PDE1A: variants seen among roughly 807,000 people sequenced by gnomAD.
PDE1A encodes dual specificity calcium/calmodulin-dependent 3',5'-cyclic nucleotide phosphodiesterase 1A.
Under a neutral mutation model 61.7 loss-of-function variants are expected in PDE1A, and 35 were observed. The ratio of observed to expected loss-of-function variants is 0.57; its 90% CI spans 0.43 to 0.75. The LOEUF (loss-of-function observed/expected upper bound fraction) is 0.75, where lower values mean the gene tolerates loss of function less well. PDE1A is among the 30% of genes least tolerant of loss of function. PDE1A has a pLI of 0.00. For synonymous variants in PDE1A, 232 were observed against 213.2 expected, an observed-to-expected ratio of 1.09 and a Z score of -0.77; for missense variants, 597 against 630.6, an observed-to-expected ratio of 0.95 and a Z score of 0.57.
chr2:182,560,709 A>T, the PDE1A span, among the ~76,000 whole-genome samples: 1 of 152,086 alleles, frequency 6.6e-6, no homozygotes, highest in Non-Finnish European at 1.5e-5. Flanking sequence ...ATTTCTCCAC[A>T]TCCTCTCCAG....
intron 1 of PDE1A, among the ~76,000 whole-genome samples, chr2:182,311,112 T>C (rs1242921567): frequency 6.6e-6 from 1 of 152,214 alleles, no homozygotes; most frequent in Non-Finnish European, 1.5e-5. Flanking sequence ...GGGCAAGAAA[T>C]ATAACATTCC....
chr2:182,568,941 T>A, the PDE1A span, among the ~76,000 whole-genome samples: 148 of 152,026 alleles, frequency 9.7e-4, 1 homozygote, highest in African/African-American at 3.2e-3. Flanking sequence ...TTGAAAAAAA[T>A]AATAATAATA....
Position 182,226,155 on chromosome 2 carries a change from T to C in PDE1A, c.676-2191A>G, listed in dbSNP as rs2125621361. Among the ~76,000 whole-genome samples the C allele has an allele frequency of 1.3e-5, 2 of 149,854 alleles. 1 individual carries two copies. The highest frequency in any genetic ancestry group is 4.1e-4 in the South Asian group (2 of 4,830). Reference sequence around the variant, plus strand: ...CAAATTATGTATTTATAAATATAGCTGTGGTTTTAAAAAAGGCAGCATTCA... The same window carrying C: ...CAAATTATGTATTTATAAATATAGCCGTGGTTTTAAAAAAGGCAGCATTCA... On this transcript the variant is annotated intron_variant, in intron 6 of 13. Coordinates refer to ENST00000351439, the Ensembl canonical transcript of PDE1A.
intron 1 of PDE1A, among the ~76,000 whole-genome samples, chr2:182,334,864 T>G (rs1697680535): frequency 6.6e-6 from 1 of 152,196 alleles, no homozygotes; most frequent in Admixed American, 6.5e-5. Context: ...CATGACTGTA[T>G]ATTCAGAAAA....
chr2:182,151,977 AAGCTATTCCTCAG>A (rs1690804032), intron 13 of PDE1A, among the ~76,000 whole-genome samples: 1 of 152,204 alleles, frequency 6.6e-6, no homozygotes, highest in Non-Finnish European at 1.5e-5. Context: ...ACAGAATCAC[AAGCTATTCCTCAG>A]AGCAATGCCC....
At chr2:182,259,813 C>T (rs1022299958) in intron 2 of PDE1A, among the ~76,000 whole-genome samples, 2 of 152,212 alleles carry the variant, frequency 1.3e-5, no homozygotes, top group Non-Finnish European at 2.9e-5. Flanking sequence ...CCCTGCTATG[C>T]ATGAGGCCAA....
In PDE1A at chr2:182,420,782, T is replaced by C. The variant is rs143190761; in HGVS notation, c.53+5796A>G. ...GCAGCTGGCTTGGATATTACAAAGA[T>C]AATAAATCTGGAAGTATTATCATCT... On this transcript the variant is annotated intron_variant, in intron 1 of 13. Transcript: ENST00000351439. Among the ~76,000 whole-genome samples, 115 of 152,304 alleles carry C rather than the reference T, an allele frequency of 7.6e-4. 2 individuals carry two copies. In the South Asian group the frequency reaches 0.023, roughly 30 times the overall value.
the PDE1A span, among the ~76,000 whole-genome samples, chr2:182,641,121 A>C: frequency 1.3e-5 from 2 of 152,104 alleles, no homozygotes; most frequent in Non-Finnish European, 2.9e-5. Context: ...GAACATTAAG[A>C]TTCTAGGTAC....
the PDE1A span, among the ~76,000 whole-genome samples, chr2:182,714,500 A>G: frequency 5.3e-5 from 8 of 152,302 alleles, no homozygotes; most frequent in African/African-American, 1.9e-4. Flanking sequence ...GTATTCAGCC[A>G]TAAGAAGTCA....
At chr2:182,145,233 G>C (rs1389060937), downstream of PDE1A, among the ~76,000 whole-genome samples, 2 of 152,076 alleles carry the variant, frequency 1.3e-5, no homozygotes, top group Non-Finnish European at 2.9e-5. Flanking sequence ...ATTCTATTGA[G>C]GTTACATAAT....
At chr2:182,350,974 T>C (rs1698841534) in intron 1 of PDE1A, among the ~76,000 whole-genome samples, 1 of 152,274 alleles carries the variant, frequency 6.6e-6, no homozygotes, top group Non-Finnish European at 1.5e-5. Context: ...TTATAGCTTC[T>C]CTTTGTTTTT....
At chr2:182,554,984 AT>A in the PDE1A span, among the ~76,000 whole-genome samples, 8 of 152,232 alleles carry the variant, frequency 5.3e-5, no homozygotes, top group Non-Finnish European at 1.2e-4. Context: ...AAACAGAGAA[AT>A]AGTTGAAATA....
intron 2 of PDE1A, among the ~76,000 whole-genome samples, chr2:182,262,867 A>C (rs1692322178): frequency 6.6e-6 from 1 of 152,270 alleles, no homozygotes. Flanking sequence ...CACTGGAAAG[A>C]TGTATAAGAA....
intron 13 of PDE1A, among the ~76,000 whole-genome samples, chr2:182,169,443 C>G (rs780837412): frequency 4.4e-4 from 67 of 151,798 alleles, no homozygotes; most frequent in Non-Finnish European, 8.1e-4. Context: ...ATAGTAAAGG[C>G]AGTATTGGCT....
chr2:182,167,308 A>C (rs961913142), downstream of PDE1A, among the ~76,000 whole-genome samples: 15 of 152,164 alleles, frequency 9.9e-5, no homozygotes, highest in Non-Finnish European at 1.9e-4. Context: ...CCAATCTTAC[A>C]AACATTCTTT....
At chr2:182,373,721 A>C (rs1206149435) in intron 1 of PDE1A, among the ~76,000 whole-genome samples, 7 of 152,216 alleles carry the variant, frequency 4.6e-5, no homozygotes, top group Non-Finnish European at 1.0e-4. Context: ...AGTAAGGCTG[A>C]AAAATGAATA....
chr2:182,236,649 T>C (rs377461338), intron 3 of PDE1A, among the ~76,000 whole-genome samples: 1 of 152,184 alleles, frequency 6.6e-6, no homozygotes, highest in South Asian at 2.1e-4. Context: ...GCTTTTTGTG[T>C]AAATGATTCT....
the PDE1A span, among the ~76,000 whole-genome samples, chr2:182,635,333 C>T: frequency 6.6e-6 from 1 of 151,874 alleles, no homozygotes; most frequent in Admixed American, 6.6e-5. Flanking sequence ...TATCGCCTTC[C>T]CAGTAACAAT....
At chr2:182,310,516 A>T (rs1202848719) in intron 1 of PDE1A, among the ~76,000 whole-genome samples, 3 of 152,196 alleles carry the variant, frequency 2.0e-5, no homozygotes, top group Admixed American at 2.0e-4. Context: ...ACCTTGAGAG[A>T]TAGTTTGACT....
Sources: gnomAD v4.1 joint callset for allele counts (sites outside exome capture counted in the v4.1 genomes callset) on GRCh38, gnomAD v4.1.1 for gene constraint, MANE v1.5 for transcripts, NCBI Gene and HGNC (gene_info 2026-07-23, HGNC 2026-07-21) for gene names.